Variants in SERF1B observed in about 807,000 individuals in gnomAD.
SERF1B encodes the protein small EDRK-rich factor 1B.
chr5:70,035,414 T>C (rs1254598718), intron 2 of SERF1B, among the ~76,000 whole-genome samples: 1 of 123,760 alleles, frequency 8.1e-6, no homozygotes, highest in East Asian at 2.2e-4. Context: ...GGAGTTTCGC[T>C]CTTGTTGCCC....
At chr5:70,028,974 C>CAA (rs769578181) in intron 2 of SERF1B, among the ~76,000 whole-genome samples, 8 of 145,832 alleles carry the variant, frequency 5.5e-5, no homozygotes, top group Admixed American at 1.4e-4. Flanking sequence ...GAGACTCCGT[C>CAA]AAAAAAAAAA....
intron 2 of SERF1B, among the ~76,000 whole-genome samples, chr5:70,038,401 G>A (rs1431364724): frequency 9.8e-6 from 1 of 101,930 alleles, no homozygotes; most frequent in Non-Finnish European, 1.9e-5. Flanking sequence ...ACGAGGTCAG[G>A]AGATCGAGAC....
At chr5:70,037,614 A>G (rs1213576932) in intron 2 of SERF1B, among the ~76,000 whole-genome samples, 2 of 149,710 alleles carry the variant, frequency 1.3e-5, no homozygotes, top group Admixed American at 1.3e-4. Flanking sequence ...GCACCACTGC[A>G]CTCCAGTCTG....
intron 2 of SERF1B, among the ~76,000 whole-genome samples, chr5:70,032,090 C>CAA (rs1413497784): frequency 3.3e-5 from 5 of 150,870 alleles, no homozygotes; most frequent in African/African-American, 1.2e-4. Context: ...GGTTATTTGC[C>CAA]CAAGGTCATG....
At chr5:70,029,090 G>T (rs1774106789) in intron 2 of SERF1B, among the ~76,000 whole-genome samples, 1 of 151,804 alleles carries the variant, frequency 6.6e-6, no homozygotes, top group South Asian at 2.1e-4. Flanking sequence ...GTCAGAGGTC[G>T]AGCATTAAAA....
chr5:70,036,721 C>G (rs1437962918), intron 2 of SERF1B, among the ~76,000 whole-genome samples: 4 of 124,466 alleles, frequency 3.2e-5, no homozygotes, highest in Non-Finnish European at 6.5e-5. Flanking sequence ...TCTGTTAGAC[C>G]AAAGCTGAGT....
At chr5:70,036,629 A>ACACACACTCTCTCT (rs763495681) in intron 2 of SERF1B, among the ~76,000 whole-genome samples, 133 of 49,894 alleles carry the variant, frequency 2.7e-3, no homozygotes, top group African/African-American at 3.7e-3. Context: ...ACACACACAC[A>ACACACACTCTCTCT]CTCTCTCTCT....
At chr5:70,029,138 CTTT>C (rs541213410) in intron 2 of SERF1B, among the ~76,000 whole-genome samples, 1 of 145,936 alleles carries the variant, frequency 6.9e-6, no homozygotes. Flanking sequence ...TAGGTTATGC[CTTT>C]TTTTTTTTTT....
intron 2 of SERF1B, among the ~76,000 whole-genome samples, chr5:70,036,629 A>ACACACACACACTCT (rs763495681): frequency 4.0e-5 from 2 of 49,876 alleles, no homozygotes; most frequent in African/African-American, 1.3e-4. Context: ...ACACACACAC[A>ACACACACACACTCT]CTCTCTCTCT....
intron 2 of SERF1B, among the ~76,000 whole-genome samples, chr5:70,029,370 A>G (rs1265223246): frequency 1.3e-5 from 2 of 150,976 alleles, no homozygotes; most frequent in African/African-American, 4.9e-5. Context: ...TACTGACCTC[A>G]AGTGATCCAC....
intron 2 of SERF1B, among the ~76,000 whole-genome samples, chr5:70,029,313 T>C (rs1404919990): frequency 3.3e-5 from 5 of 151,796 alleles, no homozygotes; most frequent in Non-Finnish European, 7.4e-5. Flanking sequence ...TTTTTGTATT[T>C]TTAGTAGAGA....
chr5:70,041,381 C>G (rs1414715739), intron 2 of SERF1B, 143 bp from the exon 3 acceptor site: 1 of 694,114 alleles, frequency 1.4e-6, no homozygotes, highest in African/African-American at 1.8e-5. Flanking sequence ...TAATGGTATA[C>G]TTCTCTCAGT....
At chr5:70,029,947 ATGTTGTCCAGGCAGGTCT>A (rs1774130980) in intron 2 of SERF1B, 1 of 318,204 alleles carries the variant, frequency 3.1e-6, no homozygotes, top group Non-Finnish European at 5.9e-6. Flanking sequence ...GGGTTTCATC[ATGTTGTCCAGGCAGGTCT>A]TGAACTTCTG....
chr5:70,028,974 C>CA (rs769578181), intron 2 of SERF1B, among the ~76,000 whole-genome samples: 17,403 of 141,690 alleles, frequency 0.12, 249 homozygotes, highest in Admixed American at 0.18. Context: ...GAGACTCCGT[C>CA]AAAAAAAAAA....
At chr5:70,036,615 ACACACACACACACACTCTCT>A (rs1163894179) in intron 2 of SERF1B, among the ~76,000 whole-genome samples, 8 of 130,412 alleles carry the variant, frequency 6.1e-5, no homozygotes, top group African/African-American at 2.5e-4. Context: ...ACACACACAC[ACACACACACACACACTCTCT>A]CTCTCTCTCT....
chr5:70,036,629 A>ACACACTCTCTCTCTCTCTCTCTCT (rs763495681), intron 2 of SERF1B, among the ~76,000 whole-genome samples: 2 of 49,884 alleles, frequency 4.0e-5, no homozygotes, highest in Admixed American at 4.4e-4. Flanking sequence ...ACACACACAC[A>ACACACTCTCTCTCTCTCTCTCTCT]CTCTCTCTCT....
intron 2 of SERF1B, chr5:70,032,374 CAA>C (rs1774151952): frequency 2.6e-6 from 2 of 772,350 alleles, no homozygotes; most frequent in African/African-American, 2.1e-5. Context: ...TCTATGCAGA[CAA>C]GAGAAAAGTG....
intron 2 of SERF1B, among the ~76,000 whole-genome samples, chr5:70,031,749 C>CA (rs549871808): frequency 0.024 from 140 of 5,810 alleles, 6 homozygotes; most frequent in African/African-American, 0.11. Flanking sequence ...GACTCCGTCT[C>CA]AAAAAAAAAA....
At position 70,041,924 on chromosome 5, in the gene SERF1B, CT is replaced by C. The variant is rs763662756; in HGVS notation, c.*201del. 98,771 of 477,114 alleles carry C rather than the reference CT, an allele frequency of 0.21. 1 individual carries two copies. The highest frequency in any genetic ancestry group is 0.28 in the South Asian group (10,254 of 37,194). 29.6% of individuals were successfully genotyped at this position (477,114 alleles called of 1,614,324 possible). On this transcript the variant is annotated 3_prime_UTR_variant, in exon 3 of 3. Coordinates refer to ENST00000380750, the MANE Select transcript of SERF1B (RefSeq NM_022978.3). ...TAGGAAACTTAGATGTAACTTAGCA[CT>C]TTTTTTTTTTTTTTTTGAGATGGAG... is the stretch of plus-strand genomic sequence containing the variant.
Sources: allele counts gnomAD v4.1 joint callset (sites outside exome capture counted in the v4.1 genomes callset), GRCh38; gene constraint gnomAD v4.1.1; transcripts MANE v1.5; gene names NCBI Gene and HGNC (gene_info 2026-07-23, HGNC 2026-07-21).